Variants in PCDHGA1 observed in about 807,000 individuals in gnomAD.
The protein encoded by PCDHGA1 is protocadherin gamma-A1.
PCDHGA1 carries 32 observed loss-of-function variants against 58.0 expected under a neutral mutation model. The observed-to-expected ratio is 0.55, with a 90% CI of 0.42 to 0.74. The LOEUF (loss-of-function observed/expected upper bound fraction) is 0.74. Ranked by LOEUF, PCDHGA1 falls within the 30% of genes least tolerant of loss-of-function variation. The pLI is 0.00. For missense variants in PCDHGA1, 1,205 were observed against 1,182.3 expected (o/e 1.02, Z -0.28); for synonymous variants, 498 against 501.1 (o/e 0.99, Z 0.08).
chr5:141,489,428 G>A lies in PCDHGA1; in HGVS notation c.2422-5379G>A, dbSNP rs561792279. The A allele has an allele frequency of 2.5e-5, 40 of 1,614,112 alleles. No homozygotes were observed. In the Middle Eastern group the frequency reaches 4.9e-4, roughly 20 times the overall value. ...AAGATGACAGATCTGTTGAGCCGGC[G>A]GCTGCAATTGGGCTCTGAGGAGAAT... On this transcript the variant is annotated intron_variant, in intron 1 of 3. Transcript: ENST00000517417. This position sits in a 1 kb window ranked among gnomAD's most constrained non-coding sequence, Gnocchi z 4.5.
At chr5:141,342,809 G>A (rs1757213288) in intron 1 of PCDHGA1, 1 of 152,118 alleles carries the variant, frequency 6.6e-6, no homozygotes, top group Admixed American at 6.6e-5. Flanking sequence ...GAAACTTATG[G>A]GGAAAGAGAT....
In PCDHGA1 at chr5:141,477,157, CA is replaced by C. The variant is rs1240879989; in HGVS notation, c.2422-17648del. 2.5e-6 allele frequency: 4 copies of C among 1,614,064 alleles called. No homozygotes were observed. Among genetic ancestry groups the C allele is most frequent in the Non-Finnish European group, 3.4e-6 (4 of 1,180,046 alleles). ...TGGTGGAGGTTGTGGATGTGAATGACAACGCCCCGGAGATCACAGTCACCTC... is the reference window on the plus strand; with the variant it reads ...TGGTGGAGGTTGTGGATGTGAATGACACGCCCCGGAGATCACAGTCACCTC... On this transcript the variant is annotated intron_variant, in intron 1 of 3. Coordinates refer to ENST00000517417, the MANE Select transcript of PCDHGA1 (RefSeq NM_018912.3). This position sits in a 1 kb window ranked among gnomAD's most constrained non-coding sequence, Gnocchi z 4.9.
intron 1 of PCDHGA1, chr5:141,399,866 C>G (rs1312435366): frequency 1.1e-5 from 17 of 1,612,854 alleles, no homozygotes; most frequent in Non-Finnish European, 1.4e-5. Context: ...GCTGCAGAGC[C>G]CGGCTACCTG....
At chr5:141,508,903 G>A (rs1410291297) in intron 3 of PCDHGA1, among the ~76,000 whole-genome samples, 1 of 152,086 alleles carries the variant, frequency 6.6e-6, no homozygotes, top group East Asian at 1.9e-4. Flanking sequence ...GGGCGGGGCG[G>A]TGGCGGATCT....
intron 1 of PCDHGA1, chr5:141,365,946 A>G (rs758519546): frequency 1.4e-5 from 22 of 1,614,020 alleles, no homozygotes; most frequent in Non-Finnish European, 1.9e-5. Flanking sequence ...GACAGTGGGA[A>G]CCCTCCACTT....
At chr5:141,374,155 G>C in intron 1 of PCDHGA1, 1 of 1,612,144 alleles carries the variant, frequency 6.2e-7, no homozygotes, top group Non-Finnish European at 8.5e-7. Flanking sequence ...GGACGCTGTG[G>C]GGGGCCGCGG....
intron 1 of PCDHGA1, among the ~76,000 whole-genome samples, chr5:141,380,946 CAAG>C (rs1776880026): frequency 6.6e-6 from 1 of 152,210 alleles, no homozygotes; most frequent in African/African-American, 2.4e-5. Flanking sequence ...CTTGCCTCAA[CAAG>C]AAGTTCAAAA....
At chr5:141,404,041 A>G in intron 1 of PCDHGA1, 1 of 1,613,936 alleles carries the variant, frequency 6.2e-7, no homozygotes, top group Non-Finnish European at 8.5e-7. Context: ...CACCTCAGGG[A>G]ACAGTAATTC....
rs2099401367 is a variant in PCDHGA1 at position 141,476,906 on chromosome 5, G to C, written c.2422-17901G>C. ...GGATGCACCCTCCGGCACGCGCGTG[G>C]TACAAGTCCTTGCAACGGATCTGGA... is the stretch of plus-strand genomic sequence containing the variant. On this transcript the variant is annotated intron_variant, in intron 1 of 3. Coordinates refer to ENST00000517417, the MANE Select transcript of PCDHGA1 (RefSeq NM_018912.3). The surrounding 1 kb of genome is among the most constrained non-coding windows in gnomAD (Gnocchi z 7.6). 2 of 1,614,050 alleles carry C rather than the reference G, an allele frequency of 1.2e-6. No homozygotes were observed. The highest frequency in any genetic ancestry group is 1.7e-6 in the Non-Finnish European group (2 of 1,180,044).
rs919100488 is a variant in PCDHGA1 at position 141,511,573 on chromosome 5, G to A, written c.*400G>A. On this transcript the variant is annotated 3_prime_UTR_variant, in exon 4 of 4. Transcript: ENST00000517417. ...ACAGTTCCTCTTTCCCGAGTAAGGT[G>A]GTTGGGGTGTTGAAGTACCAAGTAA... 1.1e-4 allele frequency: 33 copies of A among 288,248 alleles called. No individual in the cohort carries two copies. Among genetic ancestry groups the A allele is most frequent in the African/African-American group, 7.1e-4 (33 of 46,356 alleles). The allele number at this position is 288,248 out of a possible 1,614,324, so 17.9% of individuals were successfully genotyped here.
Position 141,491,504 on chromosome 5 carries a change from G to T in PCDHGA1, c.2422-3303G>T. 6.2e-7 allele frequency: 1 copy of T among 1,614,048 alleles called. No homozygotes were observed. The highest frequency in any genetic ancestry group is 2.2e-5 in the East Asian group (1 of 44,876). Reference sequence around the variant, plus strand: ...CCCAACCTGCAGGTGAGCTCGGACGGCACGCTCAAGTACATGGAGGTGACG... The same window carrying T: ...CCCAACCTGCAGGTGAGCTCGGACGTCACGCTCAAGTACATGGAGGTGACG... On this transcript the variant is annotated intron_variant, in intron 1 of 3. Transcript: ENST00000517417. The surrounding 1 kb of genome is among the most constrained non-coding windows in gnomAD (Gnocchi z 6.9).
chr5:141,509,233 AG>A (rs1204393769), intron 3 of PCDHGA1, among the ~76,000 whole-genome samples: 1 of 152,104 alleles, frequency 6.6e-6, no homozygotes, highest in Non-Finnish European at 1.5e-5. Context: ...TTGATGTCCC[AG>A]GATTACTCAG....
chr5:141,405,376 G>A lies in PCDHGA1; in HGVS notation c.2421+72271G>A, dbSNP rs567557596. On this transcript the variant is annotated intron_variant, in intron 1 of 3. Coordinates refer to ENST00000517417, the MANE Select transcript of PCDHGA1 (RefSeq NM_018912.3). The stretch of plus-strand genomic sequence containing the variant: ...CTATAGAAGACACCCCTTTGGTTCC[G>A]GTGAGTTCATTTTTTTTCTTTCTTT... The A allele has an allele frequency of 4.3e-4, 696 of 1,602,156 alleles. 3 individuals carry two copies. In the South Asian group the frequency reaches 6.8e-3, roughly 16 times the overall value.
intron 1 of PCDHGA1, chr5:141,426,967 T>G (rs151241654): frequency 2.2e-6 from 1 of 456,702 alleles, no homozygotes; most frequent in East Asian, 6.9e-5. Context: ...GCAATTCAAA[T>G]TGAGGTCACT....
chr5:141,332,164 GAC>G lies in PCDHGA1; in HGVS notation c.1483_1484del (p.Thr495TyrfsTer28). On this transcript the variant is annotated frameshift_variant, in exon 1 of 4. Transcript: ENST00000517417. LOFTEE classifies it high-confidence loss of function. This position sits in a 1 kb window ranked among gnomAD's most constrained non-coding sequence, Gnocchi z 4.6. The part of the protein sequence containing the change: ...NAQITYSLIE[D>X]TIQGAPLSAY... ...ACAAATCACTTACTCCCTAATAGAG[GAC>G]ACTATCCAGGGGGCACCCCTATCTG... is the stretch of plus-strand genomic sequence containing the variant. 1 of 1,614,114 alleles carries G rather than the reference GAC, an allele frequency of 6.2e-7. No individual in the cohort carries two copies. The highest frequency in any genetic ancestry group is 1.1e-5 in the South Asian group (1 of 91,082).
chr5:141,374,701 C>CA (rs1561563973), intron 1 of PCDHGA1: 1 of 1,608,962 alleles, frequency 6.2e-7, no homozygotes, highest in South Asian at 1.1e-5. Context: ...AAGGAGAAGC[C>CA]GTTTACCGCC....
At chr5:141,437,654 A>C (rs185455660) in intron 1 of PCDHGA1, among the ~76,000 whole-genome samples, 1 of 152,256 alleles carries the variant, frequency 6.6e-6, no homozygotes, top group African/African-American at 2.4e-5. Context: ...GCAAACACAT[A>C]GTTTCGAAGA....
rs114669158 is a variant in PCDHGA1 at position 141,511,003 on chromosome 5, G to A, written c.2626G>A (p.Ala876Thr). The change falls in exon 4 of 4, where the codon GCC (alanine) becomes ACC (threonine). Residue 876 changes from alanine to threonine, a missense_variant. Physicochemically the swap from Ala to Thr is moderately conservative, Grantham distance 58 (BLOSUM62 0). Coordinates refer to ENST00000517417, the MANE Select transcript of PCDHGA1 (RefSeq NM_018912.3). Reference protein sequence around the residue: ...GGGAGTMGLSARYGPQFTLQH... With the variant: ...GGGAGTMGLSTRYGPQFTLQH... ...GGGTGCCGGCACCATGGGATTGAGCGCCCGCTACGGACCCCAGTTCACCCT... is the reference window on the plus strand; with the variant it reads ...GGGTGCCGGCACCATGGGATTGAGCACCCGCTACGGACCCCAGTTCACCCT... The A allele has an allele frequency of 1.0e-4, 163 of 1,614,148 alleles. 1 individual carries two copies. The highest frequency in any genetic ancestry group is 9.5e-5 in the Non-Finnish European group (112 of 1,180,012).
chr5:141,331,739 T>C lies in PCDHGA1; in HGVS notation c.1055T>C (p.Val352Ala), dbSNP rs1756374662. 6.2e-7 allele frequency: 1 copy of C among 1,614,136 alleles called. No individual in the cohort carries two copies. The highest frequency in any genetic ancestry group is 8.5e-7 in the Non-Finnish European group (1 of 1,180,008). Reference sequence around the variant, plus strand: ...GCCCCAGAAGTGACCATCACCTCTGTCACCACTGCAGTTCCAGAAAACTTT... The same window carrying C: ...GCCCCAGAAGTGACCATCACCTCTGCCACCACTGCAGTTCCAGAAAACTTT... ...DNAPEVTITS[V>A]TTAVPENFPP... The change falls in exon 1 of 4, where the codon GTC becomes GCC. Residue 352 changes from valine (V) to alanine (A), a missense_variant. By Grantham distance (64) the Val-to-Ala change is moderately conservative. Coordinates refer to ENST00000517417, the MANE Select transcript of PCDHGA1 (RefSeq NM_018912.3).
Sources: gnomAD v4.1 joint callset for allele counts (sites outside exome capture counted in the v4.1 genomes callset) on GRCh38, gnomAD v4.1.1 for gene constraint, Gnocchi (gnomAD v3.1) non-coding constraint, MANE v1.5 for transcripts, NCBI Gene and HGNC (gene_info 2026-07-23, HGNC 2026-07-21) for gene names.